NT5DC3: variants seen among roughly 807,000 people sequenced by gnomAD.
The protein encoded by NT5DC3 is 5'-nucleotidase domain-containing protein 3.
A neutral mutation model predicts 67.8 loss-of-function variants in NT5DC3; 42 were observed. The observed-to-expected ratio is 0.62, with a 90% confidence interval of 0.48 to 0.80. The LOEUF (loss-of-function observed/expected upper bound fraction) is 0.80, where lower values mean the gene tolerates loss of function less well. Ranked by LOEUF, NT5DC3 falls within the 30% of genes least tolerant of loss-of-function variation. The pLI is 0.00. For missense variants in NT5DC3, 570 were observed against 696.4 expected (o/e 0.82, Z 2.04); for synonymous variants, 237 against 255.6 (o/e 0.93, Z 0.69).
In NT5DC3 at chr12:103,772,578, G is replaced by C. The variant is rs755550689; in HGVS notation, c.*5251C>G. The C allele has an allele frequency of 3.9e-5, 6 of 152,300 alleles. No homozygotes were observed. The highest frequency in any genetic ancestry group is 6.5e-5 in the Admixed American group (1 of 15,292). 9.4% of individuals were successfully genotyped at this position (152,300 alleles called of 1,614,324 possible). On this transcript the variant is annotated 3_prime_UTR_variant, in exon 14 of 14. Coordinates refer to ENST00000392876, the MANE Select transcript of NT5DC3 (RefSeq NM_001031701.3). ...AAAGCAGATACTGAGGTGGAGAATG[G>C]CGTGCAGGAAGGTTCATAGGACAGT...
intron 6 of NT5DC3, among the ~76,000 whole-genome samples, chr12:103,794,406 G>A (rs939152886): frequency 5.3e-5 from 8 of 152,024 alleles, no homozygotes; most frequent in African/African-American, 1.2e-4. Flanking sequence ...TGCCTCAGCC[G>A]CCCAAAGTGC....
At chr12:103,811,087 T>A (rs1489502438) in intron 2 of NT5DC3, among the ~76,000 whole-genome samples, 1 of 152,172 alleles carries the variant, frequency 6.6e-6, no homozygotes, top group Non-Finnish European at 1.5e-5. Flanking sequence ...AGATGTCAAA[T>A]GTTTACTGAG....
chr12:103,748,577 C>T, the NT5DC3 span, among the ~76,000 whole-genome samples: 2 of 146,326 alleles, frequency 1.4e-5, no homozygotes, highest in South Asian at 4.3e-4. Flanking sequence ...ATTGTACTAA[C>T]TCTACACCAC....
the NT5DC3 span, among the ~76,000 whole-genome samples, chr12:103,759,430 A>G: frequency 6.6e-6 from 1 of 152,144 alleles, no homozygotes; most frequent in South Asian, 2.1e-4. Flanking sequence ...AGCATACCAC[A>G]CTGACAATTG....
intron 9 of NT5DC3, among the ~76,000 whole-genome samples, chr12:103,790,739 C>T (rs1268303708): frequency 9.3e-5 from 11 of 118,366 alleles, no homozygotes; most frequent in African/African-American, 3.4e-4. Flanking sequence ...CTCACTCTGT[C>T]GCCCAGGCTG....
chr12:103,791,199 C>A (rs1328826876), intron 9 of NT5DC3, among the ~76,000 whole-genome samples: 3 of 152,116 alleles, frequency 2.0e-5, no homozygotes, highest in Non-Finnish European at 1.5e-5. Flanking sequence ...AGGGCTGAGA[C>A]ACCCTGCCTG....
At chr12:103,837,418 T>G (rs1888197266) in intron 1 of NT5DC3, among the ~76,000 whole-genome samples, 1 of 152,246 alleles carries the variant, frequency 6.6e-6, no homozygotes, top group Non-Finnish European at 1.5e-5. Flanking sequence ...TGCAGGCGGC[T>G]TAAAGTTCCC....
the NT5DC3 span, among the ~76,000 whole-genome samples, chr12:103,764,012 G>A: frequency 6.6e-6 from 1 of 151,478 alleles, no homozygotes. Flanking sequence ...TTGAGATGGA[G>A]TCTCACTCTG....
At chr12:103,749,503 T>C in the NT5DC3 span, among the ~76,000 whole-genome samples, 1 of 151,944 alleles carries the variant, frequency 6.6e-6, no homozygotes, top group East Asian at 1.9e-4. Flanking sequence ...CCCTTCTATC[T>C]ATCTAAAATT....
chr12:103,796,058 C>T (rs1886299006), intron 6 of NT5DC3, among the ~76,000 whole-genome samples: 1 of 152,228 alleles, frequency 6.6e-6, no homozygotes, highest in Non-Finnish European at 1.5e-5. Context: ...TAAACATTTA[C>T]ATTTGTCTAC....
downstream of NT5DC3, among the ~76,000 whole-genome samples, chr12:103,769,267 C>G (rs574045108): frequency 3.9e-5 from 6 of 152,306 alleles, no homozygotes; most frequent in African/African-American, 1.4e-4. Flanking sequence ...GTTAGTGTTC[C>G]TGAAACTCCT....
At chr12:103,754,002 C>T in the NT5DC3 span, among the ~76,000 whole-genome samples, 25 of 152,300 alleles carry the variant, frequency 1.6e-4, no homozygotes, top group South Asian at 5.0e-3. Flanking sequence ...AGAAGTCCTA[C>T]CCATTTGGAA....
At chr12:103,808,219 A>G (rs1253100725) in intron 2 of NT5DC3, among the ~76,000 whole-genome samples, 1 of 152,192 alleles carries the variant, frequency 6.6e-6, no homozygotes, top group African/African-American at 2.4e-5. Context: ...TTTTATTCAG[A>G]GGGACATCAG....
the NT5DC3 span, among the ~76,000 whole-genome samples, chr12:103,751,459 T>A: frequency 6.6e-6 from 1 of 152,142 alleles, no homozygotes; most frequent in Non-Finnish European, 1.5e-5. Context: ...AAAGTTTCCA[T>A]CCTGAGACCA....
rs769878123 is a variant in NT5DC3 at position 103,793,960 on chromosome 12, T to G, written c.791A>C (p.Tyr264Ser). The G allele has an allele frequency of 5.6e-6, 9 of 1,613,726 alleles. No individual in the cohort carries two copies. Among genetic ancestry groups the G allele is most frequent in the Non-Finnish European group, 7.6e-6 (9 of 1,179,594 alleles). ...ACCAATGTCTGCTTCAATTGCTCTG[T>G]ACATTATTCCTTTGATGTGGACGTC... is the stretch of plus-strand genomic sequence containing the variant. ...IRDVHIKGIM[Y>S]RAIEADIEKY... The change falls in exon 7 of 14, where the codon TAC becomes TCC. Residue 264 changes from tyrosine (Y) to serine (S), a missense_variant. This residue lies in a region of NT5DC3 where 466 missense variants were observed against 608.0 expected (regional missense o/e 0.77). Coordinates refer to ENST00000392876, the MANE Select transcript of NT5DC3 (RefSeq NM_001031701.3).
chr12:103,787,632 TTTAAA>T (rs1208077424), intron 10 of NT5DC3, 105 bp from the exon 11 acceptor site: 1 of 544,806 alleles, frequency 1.8e-6, no homozygotes. Flanking sequence ...TATAACTTAT[TTTAAA>T]TATCAAAATA....
At chr12:103,785,856 G>A in intron 11 of NT5DC3, 1 of 409,128 alleles carries the variant, frequency 2.4e-6, no homozygotes. Context: ...AGACCTGTGT[G>A]TGCCAGGCCC....
the NT5DC3 span, among the ~76,000 whole-genome samples, chr12:103,757,460 A>G: frequency 6.6e-6 from 1 of 152,218 alleles, no homozygotes; most frequent in African/African-American, 2.4e-5. Context: ...CAATAAATGG[A>G]ACAAACACGT....
Position 103,777,607 on chromosome 12 carries a change from T to C in NT5DC3, c.*222A>G, listed in dbSNP as rs1408089275. On this transcript the variant is annotated 3_prime_UTR_variant, in exon 14 of 14. Coordinates refer to ENST00000392876, the MANE Select transcript of NT5DC3 (RefSeq NM_001031701.3). ...CAAAAAGGCAAAATCAGAGTTCCAA[T>C]GTGAAGCTTGCCTTTCAGCCCTGCA... 2.3e-5 allele frequency: 13 copies of C among 555,042 alleles called. No individual in the cohort carries two copies. The highest frequency in any genetic ancestry group is 3.5e-5 in the Admixed American group (1 of 28,418). 34.4% of individuals were successfully genotyped at this position (555,042 alleles called of 1,614,324 possible).
Sources: allele counts gnomAD v4.1 joint callset (sites outside exome capture counted in the v4.1 genomes callset), GRCh38; gene constraint gnomAD v4.1.1; regional missense constraint gnomAD v4.1.1; transcripts MANE v1.5; gene names NCBI Gene and HGNC (gene_info 2026-07-23, HGNC 2026-07-21).